The following FBRSL1 variants were observed in gnomAD, a reference collection of about 807,000 sequenced individuals.
FBRSL1 encodes fibrosin like 1.
Under a neutral mutation model 89.6 loss-of-function variants are expected in FBRSL1, and 51 were observed. The ratio of observed to expected loss-of-function variants is 0.57; its 90% CI spans 0.45 to 0.72. The LOEUF (loss-of-function observed/expected upper bound fraction) is 0.72. Among genes scored for constraint, FBRSL1 ranks in the 30% least tolerant of loss-of-function variants. The probability of loss-of-function intolerance (pLI) is 0.00; values close to 1 mark genes in which losing one functional copy is unlikely to be tolerated. For synonymous variants in FBRSL1, 779 were observed against 681.1 expected, an observed-to-expected ratio of 1.14 and a Z score of -2.24; for missense variants, 1,618 against 1,451.8, an observed-to-expected ratio of 1.11 and a Z score of -1.86.
intron 2 of FBRSL1, among the ~76,000 whole-genome samples, chr12:132,515,707 C>G (rs1416977728): frequency 6.6e-6 from 1 of 151,980 alleles, no homozygotes; most frequent in Non-Finnish European, 1.5e-5. Flanking sequence ...CAAGACCAGC[C>G]TGGCCAACAT....
intron 2 of FBRSL1, chr12:132,511,514 G>A (rs1362369382): frequency 1.0e-6 from 1 of 985,922 alleles, no homozygotes; most frequent in Non-Finnish European, 1.2e-6. Flanking sequence ...CAAAAGGGAG[G>A]GGGTGTTTGG....
At chr12:132,500,607 C>T (rs973527018) in intron 1 of FBRSL1, among the ~76,000 whole-genome samples, 9 of 152,178 alleles carry the variant, frequency 5.9e-5, no homozygotes, top group African/African-American at 9.7e-5. Flanking sequence ...TTCCTGAATC[C>T]GACCTCATCC....
intron 5 of FBRSL1, among the ~76,000 whole-genome samples, chr12:132,555,968 G>A (rs933712897): frequency 5.9e-5 from 9 of 152,254 alleles, no homozygotes; most frequent in African/African-American, 2.2e-4. Flanking sequence ...AGGGCCTCGG[G>A]CACAGCATCC....
At chr12:132,510,403 C>T in intron 2 of FBRSL1, 1 of 1,231,988 alleles carries the variant, frequency 8.1e-7, no homozygotes. Context: ...TCCTGTGCCC[C>T]CGGGATGGCC....
At position 132,574,444 on chromosome 12, in the gene FBRSL1, A is replaced by C. The variant is rs371613718; in HGVS notation, c.1630-49A>C. 67 of 1,548,356 alleles carry C rather than the reference A, an allele frequency of 4.3e-5. No individual in the cohort carries two copies. The African/African-American group carries it at 8.5e-4, about 20-fold the overall frequency. On this transcript the variant is annotated intron_variant, in intron 13 of 18. Transcript: ENST00000680143. ...GTGACAGCAGGAGTCTGCAGAAAAC[A>C]TGGGTGGGGGTGGCACCAGCCCCAC...
chr12:132,541,725 C>T (rs1350090912), intron 4 of FBRSL1, among the ~76,000 whole-genome samples: 1 of 152,276 alleles, frequency 6.6e-6, no homozygotes, highest in East Asian at 1.9e-4. Flanking sequence ...AGCCCCTGTC[C>T]CTTATTTCAG....
chr12:132,511,937 A>C (rs1471922838), intron 2 of FBRSL1: 2 of 984,220 alleles, frequency 2.0e-6, no homozygotes, highest in Admixed American at 6.2e-5. Context: ...GTGCCGTGCC[A>C]CTATTTTTTA....
chr12:132,519,525 A>G (rs1333790816), intron 2 of FBRSL1, among the ~76,000 whole-genome samples: 2 of 152,200 alleles, frequency 1.3e-5, no homozygotes, highest in Non-Finnish European at 2.9e-5. Flanking sequence ...GCAGTCTCAT[A>G]CAGCTGGGCT....
chr12:132,574,233 C>T (rs2040234969), intron 12 of FBRSL1, 75 bp downstream of exon 12: 4 of 1,444,904 alleles, frequency 2.8e-6, no homozygotes, highest in South Asian at 3.0e-5. Flanking sequence ...GGCTGGTGGC[C>T]ACAGCAGACG....
At chr12:132,508,648 T>C (rs1427258162) in intron 2 of FBRSL1, among the ~76,000 whole-genome samples, 1 of 152,200 alleles carries the variant, frequency 6.6e-6, no homozygotes, top group Non-Finnish European at 1.5e-5. Flanking sequence ...GCCGGCCCCG[T>C]TTCCCTGCCG....
At chr12:132,495,694 A>G (rs1015864958) in intron 1 of FBRSL1, among the ~76,000 whole-genome samples, 2 of 152,164 alleles carry the variant, frequency 1.3e-5, no homozygotes, top group African/African-American at 4.8e-5. Context: ...TGTTCCTCCC[A>G]CAGAGTCCCA....
chr12:132,582,886 C>T lies in FBRSL1; in HGVS notation c.2202-85C>T, dbSNP rs537557028. The T allele has an allele frequency of 3.9e-5, 46 of 1,166,536 alleles. No homozygotes were observed. In the African/African-American group the frequency reaches 4.9e-4, roughly 12 times the overall value. 72.3% of individuals were successfully genotyped at this position (1,166,536 alleles called of 1,614,324 possible). The stretch of plus-strand genomic sequence containing the variant: ...CCGGCCACCCAGAAACTGGAGGCCC[C>T]GACAAGCAACGGGAACATCCCGGGG... On this transcript the variant is annotated intron_variant, in intron 18 of 18. Transcript: ENST00000680143.
rs2037723815 is a variant in FBRSL1, at chr12:132,546,761, G to T, written c.616-1242G>T. On this transcript the variant is annotated intron_variant, in intron 4 of 18. Coordinates refer to ENST00000680143, the MANE Select transcript of FBRSL1 (RefSeq NM_001367871.1). This position sits in a 1 kb window ranked among gnomAD's most constrained non-coding sequence, Gnocchi z 4.0. ...CAGCTTCCCCAGGGGTCCCAGCTGG[G>T]GTCCCACTTGTAGGAGCCACCTGGA... Among the ~76,000 whole-genome samples the T allele has an allele frequency of 6.6e-6, 1 of 152,212 alleles. No homozygotes were observed. Among genetic ancestry groups the T allele is most frequent in the Non-Finnish European group, 1.5e-5 (1 of 68,032 alleles).
At chr12:132,506,335 A>G (rs777182632) in intron 1 of FBRSL1, among the ~76,000 whole-genome samples, 44 of 152,210 alleles carry the variant, frequency 2.9e-4, no homozygotes, top group Non-Finnish European at 5.9e-4. Context: ...TGCCCTTGAC[A>G]CATGCGTCCT....
In FBRSL1 at chr12:132,538,587, C is replaced by T. The variant is rs555211010; in HGVS notation, c.616-9416C>T. ...TTGAGCCCCCACCGGGAGGCACCCT[C>T]GCAGGCGGGCGCACAGCCCATGGGG... On this transcript the variant is annotated intron_variant, in intron 4 of 18. Transcript: ENST00000680143. Among the ~76,000 whole-genome samples the T allele has an allele frequency of 4.2e-3, 635 of 152,338 alleles. 2 individuals carry two copies. The highest frequency in any genetic ancestry group is 0.015 in the African/African-American group (616 of 41,572).
intron 1 of FBRSL1, among the ~76,000 whole-genome samples, chr12:132,503,414 C>G (rs2033278496): frequency 6.6e-6 from 1 of 152,230 alleles, no homozygotes; most frequent in African/African-American, 2.4e-5. Context: ...ATGTGGGGTC[C>G]CCATCAGAAA....
chr12:132,558,292 C>A (rs546210881), intron 5 of FBRSL1, among the ~76,000 whole-genome samples: 2 of 152,352 alleles, frequency 1.3e-5, no homozygotes, highest in East Asian at 3.9e-4. Flanking sequence ...ATGAGCCCTG[C>A]GGCCAGCCTG....
chr12:132,527,671 CGGGGCTGT>C (rs2136957116), intron 3 of FBRSL1, among the ~76,000 whole-genome samples: 2 of 133,120 alleles, frequency 1.5e-5, no homozygotes, highest in South Asian at 2.5e-4. Context: ...TTGTGGGCTG[CGGGGCTGT>C]GGGGCAGGGT....
chr12:132,568,434 G>A (rs1308574819), intron 6 of FBRSL1, among the ~76,000 whole-genome samples: 2 of 152,282 alleles, frequency 1.3e-5, no homozygotes, highest in Admixed American at 1.3e-4. Context: ...CAGATGGGGT[G>A]GTGTCAGAAG....
Sources: gnomAD v4.1 joint callset for allele counts (sites outside exome capture counted in the v4.1 genomes callset) on GRCh38, gnomAD v4.1.1 for gene constraint, Gnocchi (gnomAD v3.1) non-coding constraint, MANE v1.5 for transcripts, NCBI Gene and HGNC (gene_info 2026-07-23, HGNC 2026-07-21) for gene names.